Variants in PRRC2C observed in about 807,000 individuals in gnomAD.
PRRC2C encodes the protein protein PRRC2C.
PRRC2C carries 72 observed loss-of-function variants against 317.2 expected under a neutral mutation model. The ratio of observed to expected loss-of-function variants is 0.23; its 90% CI spans 0.19 to 0.28. The LOEUF (loss-of-function observed/expected upper bound fraction) is 0.28. Ranked by LOEUF, PRRC2C falls within the 10% of genes least tolerant of loss-of-function variation. PRRC2C has a pLI of 1.00. For synonymous variants in PRRC2C, 1,296 were observed against 1,205.9 expected (o/e 1.07, Z -1.55); for missense variants, 3,074 against 3,459.7 (o/e 0.89, Z 2.80).
rs188785346 is a variant in PRRC2C, at chr1:171,578,016, G to A, written c.7159+379G>A. On this transcript the variant is annotated intron_variant, in intron 26 of 34. Transcript: ENST00000647382. ...TTACCGTGTTGCCCAGGCTGGCCTC[G>A]AACTCCTGAGCTCAAGTGATCCTCC... 3.1e-4 allele frequency among the ~76,000 whole-genome samples: 45 copies of A among 143,206 alleles called. No individual in the cohort carries two copies. The East Asian group carries it at 6.4e-3, about 21-fold the overall frequency. 93.9% of individuals were successfully genotyped at this position (143,206 alleles called of 152,430 possible). A position where few individuals can be genotyped will look rare whatever the true frequency, so the allele number is the denominator to read the frequency against.
At chr1:171,569,518 A>C (rs894066556) in intron 23 of PRRC2C, among the ~76,000 whole-genome samples, 1 of 142,392 alleles carries the variant, frequency 7.0e-6, no homozygotes, top group East Asian at 2.2e-4. Context: ...GGAGCTGATT[A>C]ATGTGATTTG....
At chr1:171,563,268 A>C (rs1683033531) in intron 20 of PRRC2C, among the ~76,000 whole-genome samples, 1 of 152,234 alleles carries the variant, frequency 6.6e-6, no homozygotes, top group Non-Finnish European at 1.5e-5. Flanking sequence ...CAGTATTTGC[A>C]TGTAACCTAT....
intron 26 of PRRC2C, among the ~76,000 whole-genome samples, chr1:171,578,007 G>A (rs1647531723): frequency 1.4e-5 from 2 of 147,256 alleles, no homozygotes. Flanking sequence ...TGTTGCCCAG[G>A]CTGGCCTCGA....
intron 15 of PRRC2C, among the ~76,000 whole-genome samples, chr1:171,538,449 T>G (rs949658125): frequency 3.9e-5 from 6 of 152,246 alleles, no homozygotes; most frequent in Non-Finnish European, 8.8e-5. Context: ...AAAGTTAACT[T>G]TGAAATGGCG....
chr1:171,536,421 G>C, intron 14 of PRRC2C, 143 bp downstream of exon 14: 1 of 947,136 alleles, frequency 1.1e-6, no homozygotes, highest in Non-Finnish European at 1.5e-6. Flanking sequence ...TCAGCATCGA[G>C]TAATTAAATA....
At chr1:171,496,102 G>A (rs1046786365) in intron 1 of PRRC2C, among the ~76,000 whole-genome samples, 15 of 151,252 alleles carry the variant, frequency 9.9e-5, no homozygotes, top group African/African-American at 1.5e-4. Flanking sequence ...TCAGCCCAGG[G>A]GATTTAGGGA....
chr1:171,583,633 T>C (rs191009704), intron 28 of PRRC2C, among the ~76,000 whole-genome samples: 25 of 152,348 alleles, frequency 1.6e-4, no homozygotes, highest in African/African-American at 6.0e-4. Context: ...GTATCAGATA[T>C]TATGTACTGT....
chr1:171,536,055 G>T lies in PRRC2C; in HGVS notation c.2070G>T (p.Gln690His), dbSNP rs1439289996. ...QQEQMKQQQW[Q>H]QQQQQGVLPQ... ...AACAGATGAAACAGCAGCAGTGGCAGCAGCAGCAACAGCAAGGTGTACTTC... is the reference window on the plus strand; with the variant it reads ...AACAGATGAAACAGCAGCAGTGGCATCAGCAGCAACAGCAAGGTGTACTTC... Residue 690 changes from glutamine to histidine, a missense_variant, in exon 14 of 35, where the codon CAG becomes CAT. Gln to His is a conservative substitution (Grantham distance 24). Around this residue, in one of 11 missense-constraint regions of PRRC2C, gnomAD observed 1,320 missense variants for 1,395.7 expected, o/e 0.95. Coordinates refer to ENST00000647382, the MANE Select transcript of PRRC2C (RefSeq NM_001387844.1). 5.2e-6 allele frequency: 8 copies of T among 1,552,158 alleles called. No homozygotes were observed. The highest frequency in any genetic ancestry group is 7.0e-6 in the Non-Finnish European group (8 of 1,147,168).
In PRRC2C at chr1:171,568,356, A is replaced by AT; in HGVS notation, c.6651+17_6651+18insT. 6.3e-7 allele frequency: 1 copy of AT among 1,581,206 alleles called. No individual in the cohort carries two copies. On this transcript the variant is annotated intron_variant, in intron 23 of 34. Coordinates refer to ENST00000647382, the MANE Select transcript of PRRC2C (RefSeq NM_001387844.1). ...GTTAATAATGTAAGTAATCAGTTTGAGATGTGGCAAGTTTGGATTGGAACC... is the reference window on the plus strand; with the variant it reads ...GTTAATAATGTAAGTAATCAGTTTGATGATGTGGCAAGTTTGGATTGGAACC...
chr1:171,555,978 T>C (rs2102627197), intron 18 of PRRC2C, among the ~76,000 whole-genome samples: 1 of 152,332 alleles, frequency 6.6e-6, no homozygotes, highest in African/African-American at 2.4e-5. Flanking sequence ...ACTTTTAAGT[T>C]TGCAGAAGTT....
intron 20 of PRRC2C, 53 bp downstream of exon 20, chr1:171,561,156 AGTGTGGCCGG>A: frequency 1.3e-6 from 2 of 1,481,742 alleles, no homozygotes; most frequent in Non-Finnish European, 1.9e-6. Context: ...CTAATACTTC[AGTGTGGCCGG>A]GTGTGGTGGC....
At chr1:171,515,704 C>A in intron 4 of PRRC2C, 30 bp from the exon 5 acceptor site, 2 of 1,527,088 alleles carry the variant, frequency 1.3e-6, no homozygotes, top group South Asian at 1.2e-5. Flanking sequence ...ATAAAAGTTA[C>A]CTTTAATGTT....
intron 34 of PRRC2C, among the ~76,000 whole-genome samples, chr1:171,589,818 C>CA (rs1553250901): frequency 1.6e-5 from 2 of 128,930 alleles, no homozygotes; most frequent in African/African-American, 2.9e-5. Flanking sequence ...TTTTCTTTTT[C>CA]TTTTTTTTTG....
rs776489040 is a variant in PRRC2C at position 171,579,396 on chromosome 1, A to G, written c.7202A>G (p.Asn2401Ser). The G allele has an allele frequency of 2.5e-6, 4 of 1,613,972 alleles. No individual in the cohort carries two copies. Among genetic ancestry groups the G allele is most frequent in the Non-Finnish European group, 3.4e-6 (4 of 1,179,872 alleles). Reference protein sequence around the residue: ...AFYMDTSHLFNTQHARLAPPS... With the variant: ...AFYMDTSHLFSTQHARLAPPS... ...TATATGGACACAAGTCATTTATTCA[A>G]TACCCAACATGCACGATTGGCTCCG... The change falls in exon 27 of 35, where the codon AAT becomes AGT. Residue 2401 changes from asparagine to serine, a missense_variant. Asn to Ser is a conservative substitution (Grantham distance 46). Transcript: ENST00000647382.
chr1:171,532,936 A>G lies in PRRC2C; in HGVS notation c.1848A>G (p.Gln616=). The change falls in exon 12 of 35, where the codon CAA becomes CAG. Residue 616 remains glutamine, a synonymous_variant. Transcript: ENST00000647382. ...EPNLEPMVEK[Q]ESENSCNKEE... is the part of the protein sequence containing the mutation. The stretch of plus-strand genomic sequence containing the variant: ...ATTTAGAGCCCATGGTAGAAAAACA[A>G]GAAAGTGAAAACAGCTGTAATAAAG... 1 of 1,561,390 alleles carries G rather than the reference A, an allele frequency of 6.4e-7. No homozygotes were observed. The highest frequency in any genetic ancestry group is 1.2e-5 in the South Asian group (1 of 81,172).
Position 171,511,915 on chromosome 1 carries a change from C to A in PRRC2C, c.-57-117C>A, listed in dbSNP as rs537830390. ...TTGTGTATTGGTTATTGGAATTTGA[C>A]AGTTAAAAAGTTCTATGAAATTATC... On this transcript the variant is annotated intron_variant, in intron 1 of 34. Coordinates refer to ENST00000647382, the MANE Select transcript of PRRC2C (RefSeq NM_001387844.1). 8 of 474,854 alleles carry A rather than the reference C, an allele frequency of 1.7e-5. No homozygotes were observed. In the South Asian group the frequency reaches 2.0e-4, roughly 12 times the overall value. 29.4% of individuals were successfully genotyped at this position (474,854 alleles called of 1,614,324 possible).
chr1:171,486,013 ACCTAGAC>A (rs1665977888), intron 1 of PRRC2C, among the ~76,000 whole-genome samples: 1 of 151,040 alleles, frequency 6.6e-6, no homozygotes, highest in Admixed American at 6.6e-5. Flanking sequence ...TCTTGCTCCC[ACCTAGAC>A]CCCAGTCCTG....
chr1:171,524,730 A>G (rs868595288), intron 9 of PRRC2C, 91 bp from the exon 10 acceptor site: 1 of 1,303,322 alleles, frequency 7.7e-7, no homozygotes, highest in Non-Finnish European at 1.0e-6. Context: ...CCCAGAAACC[A>G]TACAGAAATA....
At chr1:171,527,061 C>T (rs1674736620) in intron 10 of PRRC2C, among the ~76,000 whole-genome samples, 1 of 151,958 alleles carries the variant, frequency 6.6e-6, no homozygotes, top group South Asian at 2.1e-4. Context: ...CTGCCTCGGC[C>T]TCCCGAAGTG....
Sources: allele counts gnomAD v4.1 joint callset (sites outside exome capture counted in the v4.1 genomes callset), GRCh38; gene constraint gnomAD v4.1.1; regional missense constraint gnomAD v4.1.1; transcripts MANE v1.5; gene names NCBI Gene and HGNC (gene_info 2026-07-23, HGNC 2026-07-21).